NRM: variants seen among roughly 807,000 people sequenced by gnomAD.
NRM encodes nurim.
NRM carries 19 observed loss-of-function variants against 23.4 expected under a neutral mutation model. The ratio of observed to expected loss-of-function variants is 0.81; its 90% CI spans 0.57 to 1.19. NRM has a LOEUF of 1.19. Ranked by LOEUF, NRM falls within the 50% of genes most tolerant of loss-of-function variation. The probability of loss-of-function intolerance (pLI) is 0.00; values close to 1 mark genes in which losing one functional copy is unlikely to be tolerated. For missense variants in NRM, 232 were observed against 329.7 expected, an observed-to-expected ratio of 0.70 and a Z score of 2.30; for synonymous variants, 140 against 143.5, an observed-to-expected ratio of 0.98 and a Z score of 0.17.
chr6:30,690,717 G>A lies in NRM; in HGVS notation c.133+125C>T. 6.2e-7 allele frequency: 1 copy of A among 1,610,646 alleles called. No homozygotes were observed. Among genetic ancestry groups the A allele is most frequent in the East Asian group, 2.2e-5 (1 of 44,802 alleles). On this transcript the variant is annotated intron_variant, in intron 1 of 3. Coordinates refer to ENST00000376421, the MANE Select transcript of NRM (RefSeq NM_001384369.1). The surrounding 1 kb of genome is among the most constrained non-coding windows in gnomAD (Gnocchi z 5.5). Reference sequence around the variant, plus strand: ...CTCCCTCCCCTGTAGCTTCTCGGCCGCTTTCAAGGTTCGAGTTCCCTCTCT... The same window carrying A: ...CTCCCTCCCCTGTAGCTTCTCGGCCACTTTCAAGGTTCGAGTTCCCTCTCT...
upstream of NRM, chr6:30,691,058 A>T (rs1771606287): frequency 6.7e-7 from 1 of 1,490,596 alleles, no homozygotes; most frequent in Admixed American, 2.1e-5. Context: ...CCCCCGGCTG[A>T]ATCCAGCCCA....
rs1471576645 is a variant in NRM, at chr6:30,689,581, A to G, written c.331-129T>C. The G allele has an allele frequency of 1.1e-6, 1 of 931,282 alleles. No individual in the cohort carries two copies. The highest frequency in any genetic ancestry group is 1.7e-5 in the African/African-American group (1 of 59,764). 57.7% of individuals were successfully genotyped at this position (931,282 alleles called of 1,614,324 possible). On this transcript the variant is annotated intron_variant, in intron 2 of 3. Transcript: ENST00000376421. This position sits in a 1 kb window ranked among gnomAD's most constrained non-coding sequence, Gnocchi z 4.7. Reference sequence around the variant, plus strand: ...CCCCACCTCTCTCCTAAGCATCACCACCAAATATTCACCATGTGGAGGGTG... The same window carrying G: ...CCCCACCTCTCTCCTAAGCATCACCGCCAAATATTCACCATGTGGAGGGTG...
At position 30,688,658 on chromosome 6, in the gene NRM, T is replaced by A; in HGVS notation, c.*3A>T. 1 of 1,612,818 alleles carries A rather than the reference T, an allele frequency of 6.2e-7. No homozygotes were observed. The highest frequency in any genetic ancestry group is 8.5e-7 in the Non-Finnish European group (1 of 1,179,252). On this transcript the variant is annotated 3_prime_UTR_variant, in exon 4 of 4. Transcript: ENST00000376421. The surrounding 1 kb of genome is among the most constrained non-coding windows in gnomAD (Gnocchi z 5.9). ...AACAGGGCTTGTAACCAGAGTGAGC[T>A]CCTCACTCTGCCTCCCCATCCTGGG... is the stretch of plus-strand genomic sequence containing the variant.
In NRM at chr6:30,689,247, G is replaced by A; in HGVS notation, c.507+29C>T. ...ACGAGGAGTTCTAAAATGGGTCAGA[G>A]GTCATAGGTAGGGATCTCGGAGCCT... On this transcript the variant is annotated intron_variant, in intron 3 of 3. Coordinates refer to ENST00000376421, the MANE Select transcript of NRM (RefSeq NM_001384369.1). This position sits in a 1 kb window ranked among gnomAD's most constrained non-coding sequence, Gnocchi z 4.7. 6.5e-7 allele frequency: 1 copy of A among 1,544,842 alleles called. No individual in the cohort carries two copies. The highest frequency in any genetic ancestry group is 1.2e-5 in the South Asian group (1 of 83,402).
chr6:30,690,581 A>G lies in NRM; in HGVS notation c.133+261T>C. Reference sequence around the variant, plus strand: ...CTCTCCTCTCAACAGTCCTCTCTACAAAACACTTTACTTAGAATACTCCGG... The same window carrying G: ...CTCTCCTCTCAACAGTCCTCTCTACGAAACACTTTACTTAGAATACTCCGG... On this transcript the variant is annotated intron_variant, in intron 1 of 3. Coordinates refer to ENST00000376421, the MANE Select transcript of NRM (RefSeq NM_001384369.1). The surrounding 1 kb of genome is among the most constrained non-coding windows in gnomAD (Gnocchi z 5.5). 1 of 1,543,526 alleles carries G rather than the reference A, an allele frequency of 6.5e-7. No homozygotes were observed. Among genetic ancestry groups the G allele is most frequent in the Non-Finnish European group, 8.8e-7 (1 of 1,142,824 alleles).
rs769879066 is a variant in NRM, at chr6:30,689,313, A to G, written c.470T>C (p.Leu157Pro). The change falls in exon 3 of 4, where the codon CTC becomes CCC. Residue 157 changes from leucine (L) to proline (P), a missense_variant. Coordinates refer to ENST00000376421, the MANE Select transcript of NRM (RefSeq NM_001384369.1). This position sits in a 1 kb window ranked among gnomAD's most constrained non-coding sequence, Gnocchi z 4.7. ...CATGAGCTCAGCATAGTCAAAGACG[A>G]GAAGGATGCTAAAGATGAGGAGCCA... ...ISWLLIFSIL[L>P]VFDYAELMGL... 2.2e-5 allele frequency: 34 copies of G among 1,554,980 alleles called. No individual in the cohort carries two copies. Among genetic ancestry groups the G allele is most frequent in the Non-Finnish European group, 3.0e-5 (34 of 1,148,766 alleles).
upstream of NRM, chr6:30,691,162 C>G (rs1273256358): frequency 1.7e-6 from 1 of 592,974 alleles, no homozygotes; most frequent in East Asian, 2.9e-5. Context: ...GGATGCGTGT[C>G]CCGGCCTGCT....
chr6:30,690,665 C>T lies in NRM; in HGVS notation c.133+177G>A, dbSNP rs766769863. 33 of 1,602,226 alleles carry T rather than the reference C, an allele frequency of 2.1e-5. No homozygotes were observed. Among genetic ancestry groups the T allele is most frequent in the Non-Finnish European group, 2.7e-5 (32 of 1,175,416 alleles). On this transcript the variant is annotated intron_variant, in intron 1 of 3. Transcript: ENST00000376421. The surrounding 1 kb of genome is among the most constrained non-coding windows in gnomAD (Gnocchi z 5.5). The stretch of plus-strand genomic sequence containing the variant: ...CTCCCGCCTCTCCAAAACTCTAATC[C>T]TTGAGTTCCTAATTTAGAACTCAGG...
At chr6:30,691,224 G>A (rs1771627538), upstream of NRM, 1 of 475,388 alleles carries the variant, frequency 2.1e-6, no homozygotes, top group East Asian at 3.5e-5. Flanking sequence ...AGCTGTTAAG[G>A]GTAGCGGCTC....
In NRM at chr6:30,690,271, A is replaced by G. The variant is rs766605658; in HGVS notation, c.134-28T>C. The G allele has an allele frequency of 5.8e-6, 9 of 1,546,660 alleles. No individual in the cohort carries two copies. The highest frequency in any genetic ancestry group is 6.1e-6 in the Non-Finnish European group (7 of 1,151,100). On this transcript the variant is annotated intron_variant, in intron 1 of 3. Coordinates refer to ENST00000376421, the MANE Select transcript of NRM (RefSeq NM_001384369.1). This position sits in a 1 kb window ranked among gnomAD's most constrained non-coding sequence, Gnocchi z 5.5. ...ACAGGAAGTTGAGGGAAAAAGAGAC[A>G]AAAGATCGAAACAGTGGCAGAATGT...
rs571967199 is a variant in NRM, at chr6:30,689,758, G to A, written c.330+289C>T. Among the ~76,000 whole-genome samples the A allele has an allele frequency of 5.9e-5, 9 of 152,252 alleles. No individual in the cohort carries two copies. The East Asian group carries it at 1.7e-3, about 29-fold the overall frequency. On this transcript the variant is annotated intron_variant, in intron 2 of 3. Transcript: ENST00000376421. This position sits in a 1 kb window ranked among gnomAD's most constrained non-coding sequence, Gnocchi z 4.7. ...GACAAGGCCTTCTCTTCAGACCTAG[G>A]GAAGTGGTTTTGAAGAAAGGGTAGG...
chr6:30,690,870 A>G lies in NRM; in HGVS notation c.105T>C (p.Leu35=). Residue 35 remains leucine, a synonymous_variant, in exon 1 of 4, where the codon CTT becomes CTC. Coordinates refer to ENST00000376421, the MANE Select transcript of NRM (RefSeq NM_001384369.1). The surrounding 1 kb of genome is among the most constrained non-coding windows in gnomAD (Gnocchi z 5.5). ...FVRFTSLRPL[L]GGIPESGGPD... is the part of the protein sequence containing the mutation. ...GACCACCAGACTCCGGGATCCCTCC[A>G]AGAAGTGGCCGAAGGGAGGTAAAGC... is the stretch of plus-strand genomic sequence containing the variant. The G allele has an allele frequency of 3.1e-6, 5 of 1,612,916 alleles. No individual in the cohort carries two copies. The highest frequency in any genetic ancestry group is 4.2e-6 in the Non-Finnish European group (5 of 1,179,976).
In NRM at chr6:30,688,457, A is replaced by C. The variant is rs1221470854; in HGVS notation, c.*204T>G. ...TACCCCACTCTTCCTTGCTGGTGAG[A>C]AGTGGACCTTGGAGTTCAGTGGCTG... On this transcript the variant is annotated 3_prime_UTR_variant, in exon 4 of 4. Coordinates refer to ENST00000376421, the MANE Select transcript of NRM (RefSeq NM_001384369.1). The surrounding 1 kb of genome is among the most constrained non-coding windows in gnomAD (Gnocchi z 5.9). 3.2e-6 allele frequency: 2 copies of C among 619,268 alleles called. No homozygotes were observed. Among genetic ancestry groups the C allele is most frequent in the Non-Finnish European group, 5.6e-6 (2 of 354,482 alleles). The allele number at this position is 619,268 out of a possible 1,614,324, so 38.4% of individuals were successfully genotyped here. A position where few individuals can be genotyped will look rare whatever the true frequency, so the allele number is the denominator to read the frequency against.
In NRM at chr6:30,690,223, C is replaced by G; in HGVS notation, c.154G>C (p.Ala52Pro). Residue 52 changes from alanine (A) to proline (P), a missense_variant, in exon 2 of 4, where the codon GCT becomes CCT. Physicochemically the swap from Ala to Pro is conservative, Grantham distance 27. Coordinates refer to ENST00000376421, the MANE Select transcript of NRM (RefSeq NM_001384369.1). This position sits in a 1 kb window ranked among gnomAD's most constrained non-coding sequence, Gnocchi z 5.5. The stretch of plus-strand genomic sequence containing the variant: ...AGGATGCTGCGGTCCTGCAGGGCAG[C>G]CAGCCATCCCTGGCGGGCATCTACA... ...GGPDARQGWL[A>P]ALQDRSILAP... 1 of 1,572,640 alleles carries G rather than the reference C, an allele frequency of 6.4e-7. No individual in the cohort carries two copies. The highest frequency in any genetic ancestry group is 8.6e-7 in the Non-Finnish European group (1 of 1,166,994).
chr6:30,691,046 C>T, upstream of NRM: 2 of 1,520,952 alleles, frequency 1.3e-6, no homozygotes, highest in East Asian at 4.9e-5. Context: ...CCCGCGGCCC[C>T]GCCCCCGGCT....
At chr6:30,691,379 A>G (rs999183722), upstream of NRM, 1 of 159,230 alleles carries the variant, frequency 6.3e-6, no homozygotes, top group African/African-American at 2.4e-5. Context: ...AACTTACTAT[A>G]AAGTTGAGTT....
In NRM at chr6:30,690,168, A is replaced by T; in HGVS notation, c.209T>A (p.Leu70Gln). Reference protein sequence around the residue: ...LAPLAWDLGLLLLFVGQHSLM... With the variant: ...LAPLAWDLGLQLLFVGQHSLM... ...GCTGTGCTGCCCAACAAATAGAAGC[A>T]GGAGCCCCAGATCCCATGCCAGGGG... is the stretch of plus-strand genomic sequence containing the variant. The change falls in exon 2 of 4, where the codon CTG becomes CAG. Residue 70 changes from leucine to glutamine, a missense_variant. By Grantham distance (113) the Leu-to-Gln change is moderately radical. Transcript: ENST00000376421. This position sits in a 1 kb window ranked among gnomAD's most constrained non-coding sequence, Gnocchi z 5.5. 1 of 1,612,898 alleles carries T rather than the reference A, an allele frequency of 6.2e-7. No individual in the cohort carries two copies. The highest frequency in any genetic ancestry group is 8.5e-7 in the Non-Finnish European group (1 of 1,179,944).
At chr6:30,691,083 C>T, upstream of NRM, 1 of 1,289,128 alleles carries the variant, frequency 7.8e-7, no homozygotes, top group Non-Finnish European at 1.1e-6. Flanking sequence ...GGCGGGGCTC[C>T]TGCACGCCAC....
chr6:30,690,346 C>T lies in NRM; in HGVS notation c.134-103G>A, dbSNP rs890830570. On this transcript the variant is annotated intron_variant, in intron 1 of 3. Transcript: ENST00000376421. The surrounding 1 kb of genome is among the most constrained non-coding windows in gnomAD (Gnocchi z 5.5). ...GATCCCCAGGCCATGTCCCTTACTG[C>T]TTTCAAGAGCCTTAATGCTTCCTCT... The T allele has an allele frequency of 8.8e-7, 1 of 1,138,238 alleles. No homozygotes were observed. Among genetic ancestry groups the T allele is most frequent in the Admixed American group, 2.9e-5 (1 of 35,020 alleles). The allele number at this position is 1,138,238 out of a possible 1,614,324, so 70.5% of individuals were successfully genotyped here. A position where few individuals can be genotyped will look rare whatever the true frequency, so the allele number is the denominator to read the frequency against.
Sources: allele counts gnomAD v4.1 joint callset (sites outside exome capture counted in the v4.1 genomes callset), GRCh38; gene constraint gnomAD v4.1.1; non-coding constraint Gnocchi (gnomAD v3.1); transcripts MANE v1.5; gene names NCBI Gene and HGNC (gene_info 2026-07-23, HGNC 2026-07-21).